ACOT7: variants seen among roughly 807,000 people sequenced by gnomAD.
The protein encoded by ACOT7 is acyl-CoA thioesterase 7.
ACOT7 carries 12 observed loss-of-function variants against 40.2 expected under a neutral mutation model. That is an observed-to-expected ratio of 0.30 (90% CI 0.19 to 0.48). ACOT7 has a LOEUF of 0.48. Among genes scored for constraint, ACOT7 ranks in the 20% least tolerant of loss-of-function variants. The pLI, the probability that ACOT7 is intolerant of heterozygous loss-of-function variation, is 0.99. For missense variants in ACOT7, 395 were observed against 530.8 expected (o/e 0.74, Z 2.51); for synonymous variants, 228 against 219.5 (o/e 1.04, Z -0.34).
intron 6 of ACOT7, among the ~76,000 whole-genome samples, chr1:6,304,217 T>C (rs2148405281): frequency 6.6e-6 from 1 of 151,528 alleles, no homozygotes; most frequent in Non-Finnish European, 1.5e-5. Flanking sequence ...GGGTTTGTGT[T>C]CATCACTTGG....
Position 6,377,854 on chromosome 1 carries a change from A to C in ACOT7, c.143+15403T>G, listed in dbSNP as rs1404200763. ...GGTAAGCCTAGGCGGACGGATCACAAGGTCAGGAGATCAAGACAATCCTGG... is the reference window on the plus strand; with the variant it reads ...GGTAAGCCTAGGCGGACGGATCACACGGTCAGGAGATCAAGACAATCCTGG... On this transcript the variant is annotated intron_variant, in intron 1 of 8. Coordinates refer to ENST00000361521, the MANE Select transcript of ACOT7 (RefSeq NM_007274.4). Among the ~76,000 whole-genome samples, 3 of 152,156 alleles carry C rather than the reference A, an allele frequency of 2.0e-5. No individual in the cohort carries two copies. The East Asian group carries it at 5.8e-4, about 29-fold the overall frequency.
chr1:6,339,439 G>C lies in ACOT7; in HGVS notation c.412C>G (p.Leu138Val). The change falls in exon 3 of 9, where the codon CTC becomes GTC. Residue 138 changes from leucine to valine, a missense_variant. By Grantham distance (32) the Leu-to-Val change is conservative. Around this residue, in one of 2 missense-constraint regions of ACOT7, gnomAD observed 309 missense variants for 470.3 expected, o/e 0.66. Transcript: ENST00000361521. ...CTGTCGCTCCCAGAAGTACCTGTGA[G>C]GATGTTTTCGGACATCACGTTGACC... ...VQVNVMSENI[L>V]TGAKKLTNKA... The C allele has an allele frequency of 6.2e-7, 1 of 1,613,150 alleles. No homozygotes were observed.
chr1:6,367,740 A>G (rs565215848), intron 1 of ACOT7, among the ~76,000 whole-genome samples: 4 of 152,346 alleles, frequency 2.6e-5, no homozygotes, highest in African/African-American at 9.6e-5. Flanking sequence ...CCAAAGGGCC[A>G]CAGCTCTTCT....
At position 6,286,126 on chromosome 1, in the gene ACOT7, C is replaced by T. The variant is rs571533159; in HGVS notation, c.830-4840G>A. 3.6e-3 allele frequency among the ~76,000 whole-genome samples: 549 copies of T among 152,310 alleles called. 4 individuals carry two copies. The highest frequency in any genetic ancestry group is 0.013 in the African/African-American group (526 of 41,572). Reference sequence around the variant, plus strand: ...TTGGTCCTGACAATCAGCCCACGAGCGGAGGTGCTGCCTTGGGATGGCTCC... The same window carrying T: ...TTGGTCCTGACAATCAGCCCACGAGTGGAGGTGCTGCCTTGGGATGGCTCC... On this transcript the variant is annotated intron_variant, in intron 7 of 8. Transcript: ENST00000361521.
intron 1 of ACOT7, among the ~76,000 whole-genome samples, chr1:6,386,392 G>A (rs1270126127): frequency 6.6e-6 from 1 of 152,120 alleles, no homozygotes; most frequent in Non-Finnish European, 1.5e-5. Context: ...GGAGGAGGGA[G>A]TGAACCCCTA....
chr1:6,301,803 C>T lies in ACOT7; in HGVS notation c.713-6823G>A, dbSNP rs950837929. On this transcript the variant is annotated intron_variant, in intron 6 of 8. Coordinates refer to ENST00000361521, the MANE Select transcript of ACOT7 (RefSeq NM_007274.4). This position sits in a 1 kb window ranked among gnomAD's most constrained non-coding sequence, Gnocchi z 4.1. ...CCCCAAAGCCAGGTGAGCTTGATGA[C>T]CGGCCAAAAAACCAAGCCCACACTC... 6.6e-6 allele frequency among the ~76,000 whole-genome samples: 1 copy of T among 152,150 alleles called. No homozygotes were observed. Among genetic ancestry groups the T allele is most frequent in the Non-Finnish European group, 1.5e-5 (1 of 68,032 alleles).
chr1:6,321,599 C>T (rs1159021090), intron 5 of ACOT7, among the ~76,000 whole-genome samples: 1 of 152,250 alleles, frequency 6.6e-6, no homozygotes, highest in Non-Finnish European at 1.5e-5. Context: ...ACTGCAAGCT[C>T]TGCGTCCCGG....
chr1:6,349,559 G>A (rs1236909530), intron 2 of ACOT7, among the ~76,000 whole-genome samples, 190 bp downstream of exon 2: 1 of 152,188 alleles, frequency 6.6e-6, no homozygotes, highest in East Asian at 1.9e-4. Context: ...ACACCTCCTG[G>A]CTGAGGCCAA....
At chr1:6,319,989 T>C (rs903135167) in intron 5 of ACOT7, among the ~76,000 whole-genome samples, 5 of 152,026 alleles carry the variant, frequency 3.3e-5, no homozygotes, top group African/African-American at 1.2e-4. Context: ...CCGTAAGCAG[T>C]AGTTTGGAGG....
intron 8 of ACOT7, among the ~76,000 whole-genome samples, chr1:6,270,480 A>G (rs1336274063): frequency 1.3e-5 from 2 of 152,162 alleles, no homozygotes; most frequent in East Asian, 1.9e-4. Context: ...GGGGCTCCCC[A>G]AGAATATGCC....
intron 6 of ACOT7, among the ~76,000 whole-genome samples, chr1:6,316,367 C>G (rs535138858): frequency 1.7e-4 from 26 of 152,260 alleles, no homozygotes; most frequent in African/African-American, 6.3e-4. Flanking sequence ...TCATAGTGCT[C>G]GTGGGCCTGG....
intron 1 of ACOT7, among the ~76,000 whole-genome samples, chr1:6,351,727 C>T: frequency 6.6e-6 from 1 of 152,238 alleles, no homozygotes; most frequent in East Asian, 1.9e-4. Flanking sequence ...CTGCTGCAGG[C>T]CTCACTTTGC....
intron 1 of ACOT7, among the ~76,000 whole-genome samples, chr1:6,382,245 A>G (rs1480119862): frequency 6.6e-6 from 1 of 151,298 alleles, no homozygotes; most frequent in Non-Finnish European, 1.5e-5. Context: ...CTCTACTAAA[A>G]ATACAAAAAT....
At chr1:6,312,235 T>C (rs989050782) in intron 6 of ACOT7, among the ~76,000 whole-genome samples, 3 of 151,896 alleles carry the variant, frequency 2.0e-5, no homozygotes, top group African/African-American at 7.3e-5. Flanking sequence ...GGTTAAGGGG[T>C]ATTACAAAAT....
intron 4 of ACOT7, among the ~76,000 whole-genome samples, chr1:6,327,852 C>A (rs1056102412): frequency 6.6e-6 from 1 of 152,172 alleles, no homozygotes; most frequent in Non-Finnish European, 1.5e-5. Context: ...CAGCTCACTG[C>A]AACCTCTGCC....
rs114398382 is a variant in ACOT7, at chr1:6,330,699, G to A, written c.510+2778C>T. 3.7e-3 allele frequency among the ~76,000 whole-genome samples: 562 copies of A among 152,282 alleles called. 4 individuals carry two copies. The highest frequency in any genetic ancestry group is 0.013 in the African/African-American group (539 of 41,550). ...GCTGAAAGCACCCTGTCCCTGCAGCGAGGGGATGGGAGCCAGGGGAGTCAG... is the reference window on the plus strand; with the variant it reads ...GCTGAAAGCACCCTGTCCCTGCAGCAAGGGGATGGGAGCCAGGGGAGTCAG... On this transcript the variant is annotated intron_variant, in intron 4 of 8. Transcript: ENST00000361521. This position sits in a 1 kb window ranked among gnomAD's most constrained non-coding sequence, Gnocchi z 4.6.
intron 4 of ACOT7, among the ~76,000 whole-genome samples, chr1:6,329,111 C>T (rs1282707980): frequency 6.6e-6 from 1 of 152,268 alleles, no homozygotes; most frequent in African/African-American, 2.4e-5. Context: ...AGCAAGTTCA[C>T]TTCAGACGGC....
intron 5 of ACOT7, among the ~76,000 whole-genome samples, chr1:6,323,732 AAAAAAAT>A (rs1358571556): frequency 1.9e-3 from 180 of 92,756 alleles, no homozygotes; most frequent in African/African-American, 4.7e-3. Flanking sequence ...AAAAAAAAAA[AAAAAAAT>A]ATATATATAT....
chr1:6,388,378 G>A (rs1317713352), intron 1 of ACOT7, among the ~76,000 whole-genome samples: 1 of 151,728 alleles, frequency 6.6e-6, no homozygotes, highest in Non-Finnish European at 1.5e-5. Flanking sequence ...CAAAGTGCTG[G>A]GATTACAGGC....
Sources: allele counts gnomAD v4.1 joint callset (sites outside exome capture counted in the v4.1 genomes callset), GRCh38; gene constraint gnomAD v4.1.1; regional missense constraint gnomAD v4.1.1; non-coding constraint Gnocchi (gnomAD v3.1); transcripts MANE v1.5; gene names NCBI Gene and HGNC (gene_info 2026-07-23, HGNC 2026-07-21).